The following SLC10A1 variants were observed in gnomAD, a reference collection of about 807,000 sequenced individuals.
The protein encoded by SLC10A1 is solute carrier family 10 member 1.
SLC10A1 carries 36 observed loss-of-function variants against 20.5 expected under a neutral mutation model. The observed-to-expected ratio is 1.75, with a 90% CI of 1.34 to 2.32. The LOEUF is 2.32. Among genes scored for constraint, SLC10A1 ranks in the 30% most tolerant of loss-of-function variants. The pLI, the probability that SLC10A1 is intolerant of heterozygous loss-of-function variation, is 0.00. For synonymous variants in SLC10A1, 188 were observed against 163.6 expected (o/e 1.15, Z -1.14); for missense variants, 545 against 439.1 (o/e 1.24, Z -2.16).
At chr14:69,795,832 A>G (rs964966056) in intron 1 of SLC10A1, among the ~76,000 whole-genome samples, 1 of 152,132 alleles carries the variant, frequency 6.6e-6, no homozygotes, top group Non-Finnish European at 1.5e-5. Context: ...GCTGACAGAC[A>G]CAAGCAGATG....
chr14:69,777,837 C>CT (rs4646292), intron 4 of SLC10A1, among the ~76,000 whole-genome samples: 19,172 of 144,594 alleles, frequency 0.13, 1,614 homozygotes, highest in Admixed American at 0.21. Context: ...GTTGAGGAAT[C>CT]TTTTTTTTTT....
At chr14:69,777,040 GTTCTT>G (rs1158789550) in intron 4 of SLC10A1, among the ~76,000 whole-genome samples, 1 of 152,236 alleles carries the variant, frequency 6.6e-6, no homozygotes, top group African/African-American at 2.4e-5. Flanking sequence ...TGTGAGGAAA[GTTCTT>G]TTCAAGTCTT....
At chr14:69,777,150 A>G (rs1411817652) in intron 4 of SLC10A1, among the ~76,000 whole-genome samples, 29 of 152,104 alleles carry the variant, frequency 1.9e-4, no homozygotes, top group Non-Finnish European at 1.5e-5. Context: ...TGGTCTAGAA[A>G]CTTCTGTGCA....
Position 69,776,479 on chromosome 14 carries a change from A to G in SLC10A1, c.944-91T>C, listed in dbSNP as rs73285203. 2,373 of 977,940 alleles carry G rather than the reference A, an allele frequency of 2.4e-3. 32 individuals carry two copies. The African/African-American group carries it at 0.034, about 14-fold the overall frequency. The allele number at this position is 977,940 out of a possible 1,614,324, so 60.6% of individuals were successfully genotyped here. On this transcript the variant is annotated intron_variant, in intron 4 of 4. Transcript: ENST00000216540. ...TAATCTGGAAAGTACAAAAATACCAACTCAGCCCTAGAGTGTGCTAAGTAT... is the reference window on the plus strand; with the variant it reads ...TAATCTGGAAAGTACAAAAATACCAGCTCAGCCCTAGAGTGTGCTAAGTAT...
Position 69,778,546 on chromosome 14 carries a change from A to G in SLC10A1, c.747-17T>C, listed in dbSNP as rs769794075. 4.4e-6 allele frequency: 7 copies of G among 1,577,436 alleles called. No homozygotes were observed. In the South Asian group the frequency reaches 5.9e-5, roughly 13 times the overall value. ...CGTCTGCACCTGTGCCGGTGAAGAA[A>G]ACCCCACATACACTCAGAGGGAACT... On this transcript the variant is annotated splice_polypyrimidine_tract_variant and intron_variant, in intron 3 of 4. Transcript: ENST00000216540.
chr14:69,776,507 A>C (rs1883451407), intron 4 of SLC10A1, 119 bp from the exon 5 acceptor site: 1 of 730,636 alleles, frequency 1.4e-6, no homozygotes, highest in African/African-American at 1.8e-5. Context: ...CTAAGTATAT[A>C]TTTTCCATCT....
At position 69,778,502 on chromosome 14, in the gene SLC10A1, A is replaced by C. The variant is rs757552873; in HGVS notation, c.774T>G (p.Thr258=). Residue 258 remains threonine (T), a synonymous_variant, in exon 4 of 5, where the codon ACT becomes ACG. Coordinates refer to ENST00000216540, the MANE Select transcript of SLC10A1 (RefSeq NM_003049.4). ...GRCRRTVSME[T]GCQNVQLCST... ...AACAGAGTTGGACATTTTGGCATCC[A>C]GTCTCCATGCTGACAGTGCGTCTGC... The C allele has an allele frequency of 6.2e-7, 1 of 1,611,472 alleles. No individual in the cohort carries two copies. The highest frequency in any genetic ancestry group is 1.1e-5 in the South Asian group (1 of 90,794).
In SLC10A1 at chr14:69,796,983, G is replaced by A; in HGVS notation, c.173C>T (p.Pro58Leu). The A allele has an allele frequency of 2.5e-6, 4 of 1,614,250 alleles. No homozygotes were observed. The highest frequency in any genetic ancestry group is 1.7e-6 in the Non-Finnish European group (2 of 1,180,040). Residue 58 changes from proline (P) to leucine (L), a missense_variant, in exon 1 of 5, where the codon CCT (proline) becomes CTT (leucine). Transcript: ENST00000216540. Reference protein sequence around the residue: ...FSKIKAHLWKPKGLAIALVAQ... With the variant: ...FSKIKAHLWKLKGLAIALVAQ... ...CACCAGGGCGATGGCCAGCCCTTTA[G>A]GCTTCCATAAGTGAGCCTTGATCTT... is the stretch of plus-strand genomic sequence containing the variant.
At chr14:69,785,891 G>T (rs1186214006) in intron 2 of SLC10A1, among the ~76,000 whole-genome samples, 2 of 151,630 alleles carry the variant, frequency 1.3e-5, no homozygotes, top group Admixed American at 6.6e-5. Context: ...TTATAAGCGT[G>T]AGCCACCACG....
At chr14:69,790,566 A>G (rs1315765629) in intron 1 of SLC10A1, among the ~76,000 whole-genome samples, 1 of 152,112 alleles carries the variant, frequency 6.6e-6, no homozygotes, top group African/African-American at 2.4e-5. Context: ...TTGTAGCTAT[A>G]GAAAAGTCAA....
chr14:69,787,477 C>G (rs1319498600), intron 1 of SLC10A1, among the ~76,000 whole-genome samples: 1 of 94,148 alleles, frequency 1.1e-5, no homozygotes, highest in East Asian at 3.0e-4. Flanking sequence ...TGTGTCCCTC[C>G]TCCTCCCCAC....
At chr14:69,782,210 C>T (rs1477606840) in intron 2 of SLC10A1, among the ~76,000 whole-genome samples, 4 of 152,146 alleles carry the variant, frequency 2.6e-5, no homozygotes, top group African/African-American at 9.7e-5. Flanking sequence ...GGAGGTTTAG[C>T]CAGGGGCAAA....
intron 1 of SLC10A1, among the ~76,000 whole-genome samples, chr14:69,787,726 T>C (rs994608581): frequency 3.3e-5 from 5 of 152,166 alleles, no homozygotes; most frequent in African/African-American, 1.2e-4. Flanking sequence ...CTTGAGCTTG[T>C]AAGAAATTAA....
intron 4 of SLC10A1, among the ~76,000 whole-genome samples, chr14:69,777,355 T>C (rs1382528777): frequency 6.6e-6 from 1 of 152,134 alleles, no homozygotes; most frequent in African/African-American, 2.4e-5. Context: ...GGAGAGAGAA[T>C]CGGCATTTGC....
chr14:69,777,699 T>G (rs1883482810), intron 4 of SLC10A1, among the ~76,000 whole-genome samples: 1 of 151,390 alleles, frequency 6.6e-6, no homozygotes, highest in Admixed American at 6.6e-5. Context: ...ACTCTGAGCA[T>G]TTTAGAGAAG....
chr14:69,776,133 C>T lies in SLC10A1; in HGVS notation c.*149G>A, dbSNP rs1275536995. On this transcript the variant is annotated 3_prime_UTR_variant, in exon 5 of 5. Transcript: ENST00000216540. Reference sequence around the variant, plus strand: ...CTTGGGTAGACACCCTGTCTGTGTTCCCGGCCAAGACTTGATGATTCTGAT... The same window carrying T: ...CTTGGGTAGACACCCTGTCTGTGTTTCCGGCCAAGACTTGATGATTCTGAT... The T allele has an allele frequency of 3.2e-6, 2 of 627,860 alleles. No homozygotes were observed. The highest frequency in any genetic ancestry group is 3.0e-5 in the Admixed American group (1 of 33,362). 38.9% of individuals were successfully genotyped at this position (627,860 alleles called of 1,614,324 possible). A position where few individuals can be genotyped will look rare whatever the true frequency, so the allele number is the denominator to read the frequency against.
At chr14:69,776,795 T>C (rs148726192) in intron 4 of SLC10A1, among the ~76,000 whole-genome samples, 1 of 152,320 alleles carries the variant, frequency 6.6e-6, no homozygotes, top group African/African-American at 2.4e-5. Flanking sequence ...GATCTACCTC[T>C]TCTTGTCCGT....
chr14:69,791,535 CGTGATCGGCCA>C (rs1883840330), intron 1 of SLC10A1, among the ~76,000 whole-genome samples: 1 of 152,148 alleles, frequency 6.6e-6, no homozygotes, highest in African/African-American at 2.4e-5. Context: ...CTCCTGACCT[CGTGATCGGCCA>C]GCCTTGACCT....
intron 2 of SLC10A1, among the ~76,000 whole-genome samples, chr14:69,782,948 G>C (rs1883630583): frequency 6.6e-6 from 1 of 152,152 alleles, no homozygotes; most frequent in Non-Finnish European, 1.5e-5. Context: ...CTGTTTCCCA[G>C]TTTTCCCACC....
Sources: allele counts gnomAD v4.1 joint callset (sites outside exome capture counted in the v4.1 genomes callset), GRCh38; gene constraint gnomAD v4.1.1; transcripts MANE v1.5; gene names NCBI Gene and HGNC (gene_info 2026-07-23, HGNC 2026-07-21).